WFS1: variants seen among roughly 807,000 people sequenced by gnomAD.
The protein encoded by WFS1 is wolframin.
In WFS1, 90 loss-of-function variants were observed where a neutral mutation model predicts 68.5. The observed-to-expected ratio is 1.31, with a 90% CI of 1.11 to 1.56. The LOEUF (loss-of-function observed/expected upper bound fraction) is 1.56, where lower values mean the gene tolerates loss of function less well. Among genes scored for constraint, WFS1 ranks in the 40% most tolerant of loss-of-function variants. The pLI, the probability that WFS1 is intolerant of heterozygous loss-of-function variation, is 0.00. For missense variants in WFS1, 1,767 were observed against 1,232.6 expected (o/e 1.43, Z -6.49); for synonymous variants, 860 against 540.7 (o/e 1.59, Z -8.19).
intron 2 of WFS1, among the ~76,000 whole-genome samples, chr4:6,278,710 C>G (rs1319405162): frequency 1.3e-5 from 2 of 152,242 alleles, no homozygotes; most frequent in East Asian, 3.9e-4. Context: ...CCATGTACCA[C>G]TTATGCTGGG....
rs912654930 is a variant in WFS1 at position 6,269,894 on chromosome 4, T to G, written c.-126T>G. 6.6e-6 allele frequency: 1 copy of G among 152,170 alleles called. No homozygotes were observed. Among genetic ancestry groups the G allele is most frequent in the Admixed American group, 6.5e-5 (1 of 15,282 alleles). 9.4% of individuals were successfully genotyped at this position (152,170 alleles called of 1,614,324 possible). A position where few individuals can be genotyped will look rare whatever the true frequency, so the allele number is the denominator to read the frequency against. ...CCGGCTCTTCAGCAGCGAGTGCAGA[T>G]TGCTCCCCCGCGGCCGCAGATCTCC... On this transcript the variant is annotated 5_prime_UTR_variant, in exon 1 of 8. Transcript: ENST00000226760.
intron 1 of WFS1, among the ~76,000 whole-genome samples, chr4:6,276,189 C>T (rs1472316921): frequency 6.6e-6 from 1 of 152,204 alleles, no homozygotes; most frequent in Non-Finnish European, 1.5e-5. Context: ...GCAGCAGGTT[C>T]AAGGTCCAGC....
At position 6,301,519 on chromosome 4, in the gene WFS1, CCGGCCTGGCCCTGGTGGG is replaced by C; in HGVS notation, c.1727_1744del (p.Gly576_Gly581del). The C allele has an allele frequency of 6.2e-7, 1 of 1,613,800 alleles. No homozygotes were observed. The highest frequency in any genetic ancestry group is 8.5e-7 in the Non-Finnish European group (1 of 1,180,024). ...CTCTTTGCCCTCCCCATCCTGGTGG[CCGGCCTGGCCCTGGTGGG>C]CGTGCTGCAGTTCGCCCGGTGGTTC... On this transcript the variant is annotated inframe_deletion, in exon 8 of 8. Coordinates refer to ENST00000226760, the MANE Select transcript of WFS1 (RefSeq NM_006005.3).
chr4:6,285,256 C>G (rs1420449042), intron 2 of WFS1, among the ~76,000 whole-genome samples: 1 of 146,648 alleles, frequency 6.8e-6, no homozygotes, highest in African/African-American at 2.6e-5. Flanking sequence ...GAGGAGTCTT[C>G]CAGGGACGGG....
At chr4:6,273,918 T>C (rs1219187063) in intron 1 of WFS1, among the ~76,000 whole-genome samples, 1 of 152,276 alleles carries the variant, frequency 6.6e-6, no homozygotes, top group Non-Finnish European at 1.5e-5. Flanking sequence ...TTAACTGCAG[T>C]GTGACATACA....
intron 7 of WFS1, among the ~76,000 whole-genome samples, chr4:6,299,974 CGTGTGTGT>C (rs1730813188): frequency 1.3e-5 from 2 of 148,822 alleles, no homozygotes; most frequent in African/African-American, 5.1e-5. Flanking sequence ...TGTGTGTGCA[CGTGTGTGT>C]ACGGGCAGAA....
chr4:6,292,407 A>C (rs12505929), intron 6 of WFS1, among the ~76,000 whole-genome samples: 5,825 of 150,618 alleles, frequency 0.039, 153 homozygotes, highest in South Asian at 0.083. Context: ...GCAAAGGCCC[A>C]GGAGACCCAG....
intron 7 of WFS1, 133 bp from the exon 8 acceptor site, chr4:6,300,523 AT>A: frequency 3.7e-6 from 5 of 1,364,494 alleles, no homozygotes; most frequent in Non-Finnish European, 5.0e-6. Context: ...GACCACTAGG[AT>A]GGGGCTGGTG....
In WFS1 at chr4:6,302,356, T is replaced by C. The variant is rs777300276; in HGVS notation, c.2561T>C (p.Leu854Pro). The part of the protein sequence containing the change: ...AISCLNCMAQ[L>P]SPTRRHVKIE... ...AGCTGCCTCAACTGCATGGCCCAGC[T>C]CTCACCCACCAGGCGGCACGTGAAG... Residue 854 changes from leucine (L) to proline (P), a missense_variant, in exon 8 of 8, where the codon CTC becomes CCC. Physicochemically the swap from Leu to Pro is moderately conservative, Grantham distance 98. Transcript: ENST00000226760. The C allele has an allele frequency of 3.1e-6, 5 of 1,612,866 alleles. No individual in the cohort carries two copies. The Admixed American group carries it at 8.3e-5, about 27-fold the overall frequency.
At chr4:6,295,018 T>A in intron 6 of WFS1, 23 bp from the exon 7 acceptor site, 1 of 1,612,774 alleles carries the variant, frequency 6.2e-7, no homozygotes, top group South Asian at 1.1e-5. Context: ...GGGGCGCCCA[T>A]GCTGTTTTCT....
intron 7 of WFS1, among the ~76,000 whole-genome samples, chr4:6,299,512 CGT>C (rs1186617043): frequency 4.0e-4 from 46 of 114,122 alleles, no homozygotes; most frequent in African/African-American, 1.5e-3. Flanking sequence ...GGGTGGGTTG[CGT>C]GTGTGTGAAT....
chr4:6,275,136 A>G (rs1185260256), intron 1 of WFS1, among the ~76,000 whole-genome samples: 2 of 152,256 alleles, frequency 1.3e-5, no homozygotes, highest in African/African-American at 2.4e-5. Flanking sequence ...AGACAAGTAC[A>G]GAGAACAGAG....
At chr4:6,281,411 A>G (rs12499820) in intron 2 of WFS1, among the ~76,000 whole-genome samples, 10,966 of 151,920 alleles carry the variant, frequency 0.072, 465 homozygotes, top group African/African-American at 0.099. Context: ...AGGAGAGGGC[A>G]TTGTCGTGAG....
At chr4:6,299,623 T>TGG (rs1560416447) in intron 7 of WFS1, among the ~76,000 whole-genome samples, 1 of 71,822 alleles carries the variant, frequency 1.4e-5, no homozygotes, top group Non-Finnish European at 2.5e-5. Flanking sequence ...AGGTTGCGTG[T>TGG]GTGTGTAGGG....
At chr4:6,292,308 T>G (rs1730488383) in intron 6 of WFS1, among the ~76,000 whole-genome samples, 2 of 150,000 alleles carry the variant, frequency 1.3e-5, no homozygotes, top group Non-Finnish European at 3.0e-5. Flanking sequence ...AAGGAAATAC[T>G]GGGGGTGGGG....
chr4:6,279,500 G>A (rs1162268531), intron 2 of WFS1, among the ~76,000 whole-genome samples: 1 of 152,136 alleles, frequency 6.6e-6, no homozygotes, highest in East Asian at 1.9e-4. Context: ...CTCACTATGG[G>A]CCTCAGGTCA....
intron 7 of WFS1, among the ~76,000 whole-genome samples, chr4:6,299,328 A>G (rs965128610): frequency 5.9e-5 from 9 of 152,186 alleles, no homozygotes; most frequent in Admixed American, 1.3e-4. Flanking sequence ...TTCTGACCTT[A>G]GCGCTGCATG....
intron 1 of WFS1, among the ~76,000 whole-genome samples, chr4:6,272,075 T>G (rs4280818): frequency 0.62 from 94,004 of 152,148 alleles, 29,664 homozygotes; most frequent in East Asian, 0.94. Context: ...CTCAGTCAAG[T>G]CCTCCTGCAG....
intron 2 of WFS1, among the ~76,000 whole-genome samples, chr4:6,278,822 G>T (rs1156748119): frequency 1.3e-5 from 2 of 152,370 alleles, no homozygotes; most frequent in East Asian, 3.9e-4. Flanking sequence ...CCTCTGGGCG[G>T]ATGAGGGCCT....
Sources: allele counts gnomAD v4.1 joint callset (sites outside exome capture counted in the v4.1 genomes callset), GRCh38; gene constraint gnomAD v4.1.1; transcripts MANE v1.5; gene names NCBI Gene and HGNC (gene_info 2026-07-23, HGNC 2026-07-21).